The following BNIP3L variants were observed in gnomAD, a reference collection of about 807,000 sequenced individuals.
BNIP3L encodes BCL2/adenovirus E1B 19 kDa protein-interacting protein 3-like.
In BNIP3L, 10 loss-of-function variants were observed where a neutral mutation model predicts 25.5. The ratio of observed to expected loss-of-function variants is 0.39; its 90% confidence interval spans 0.24 to 0.67. The LOEUF is 0.67. Ranked by LOEUF, BNIP3L falls within the 30% of genes least tolerant of loss-of-function variation. The pLI is 0.45. For synonymous variants in BNIP3L, 113 were observed against 101.2 expected (o/e 1.12, Z -0.70); for missense variants, 215 against 270.9 (o/e 0.79, Z 1.45).
At chr8:26,384,507 T>G (rs1349748808) in intron 1 of BNIP3L, among the ~76,000 whole-genome samples, 1 of 152,240 alleles carries the variant, frequency 6.6e-6, no homozygotes, top group Non-Finnish European at 1.5e-5. Flanking sequence ...TAAACGTTAC[T>G]TGTATCACAT....
chr8:26,384,887 A>G (rs1805955968), intron 1 of BNIP3L, among the ~76,000 whole-genome samples: 1 of 151,896 alleles, frequency 6.6e-6, no homozygotes, highest in Non-Finnish European at 1.5e-5. Context: ...AGTAGAGACG[A>G]AGTTTCGCCA....
chr8:26,405,083 T>C (rs181838352), intron 3 of BNIP3L, among the ~76,000 whole-genome samples: 1 of 152,320 alleles, frequency 6.6e-6, no homozygotes, highest in East Asian at 1.9e-4. Context: ...AAAACACTTG[T>C]CCAGAGATAA....
At chr8:26,387,266 T>C (rs532336312) in intron 1 of BNIP3L, among the ~76,000 whole-genome samples, 49 of 152,344 alleles carry the variant, frequency 3.2e-4, no homozygotes, top group African/African-American at 1.2e-3. Context: ...CAGAAGTTTC[T>C]CTGAATCTCT....
chr8:26,391,220 A>G (rs1233799951), intron 1 of BNIP3L, 23 bp from the exon 2 acceptor site: 5 of 1,554,410 alleles, frequency 3.2e-6, no homozygotes, highest in Non-Finnish European at 4.4e-6. Context: ...TGCTGTGGTT[A>G]ACTTATCTGA....
intron 3 of BNIP3L, 171 bp downstream of exon 3, chr8:26,395,473 C>T (rs781511741): frequency 1.8e-5 from 12 of 660,244 alleles, no homozygotes; most frequent in Middle Eastern, 4.0e-4. Context: ...CACTCCTTTA[C>T]AACTAAGGAT....
Position 26,383,142 on chromosome 8 carries a change from C to G in BNIP3L, c.12C>G (p.His4Gln). 6.2e-7 allele frequency: 1 copy of G among 1,611,428 alleles called. No individual in the cohort carries two copies. The highest frequency in any genetic ancestry group is 8.5e-7 in the Non-Finnish European group (1 of 1,179,452). MSS[H>Q]LVEPPPPLHN... ...CCAGCTGTCCGACAATGTCGTCCCACCTAGTCGAGCCGCCGCCGCCCCTGC... is the reference window on the plus strand; with the variant it reads ...CCAGCTGTCCGACAATGTCGTCCCAGCTAGTCGAGCCGCCGCCGCCCCTGC... The change falls in exon 1 of 6, where the codon CAC (histidine) becomes CAG (glutamine). Residue 4 changes from histidine to glutamine, a missense_variant. By Grantham distance (24) the His-to-Gln change is conservative. Around this residue, in one of 4 missense-constraint regions of BNIP3L, gnomAD observed 69 missense variants for 53.6 expected, o/e 1.29. Transcript: ENST00000380629.
intron 2 of BNIP3L, among the ~76,000 whole-genome samples, chr8:26,392,057 G>T (rs1413960848): frequency 2.0e-5 from 3 of 152,040 alleles, no homozygotes; most frequent in Non-Finnish European, 4.4e-5. Flanking sequence ...CTATATTTGA[G>T]CTGAAGAAAC....
rs1256016125 is a variant in BNIP3L, at chr8:26,399,655, T to A, written c.357+4353T>A. Among the ~76,000 whole-genome samples the A allele has an allele frequency of 6.6e-5, 4 of 60,496 alleles. 1 individual carries two copies. Among genetic ancestry groups the A allele is most frequent in the South Asian group, 6.9e-4 (1 of 1,450 alleles). The allele number at this position is 60,496 out of a possible 152,430, so 39.7% of individuals were successfully genotyped here. ...CCCTGTTTGCAGATGACATGATTGT[T>A]TATCTAGAAAACCCCATTTTCTCAG... On this transcript the variant is annotated intron_variant, in intron 3 of 5. Transcript: ENST00000380629.
At chr8:26,383,415 C>G (rs1585427608) in intron 1 of BNIP3L, 185 bp downstream of exon 1, 2 of 1,427,656 alleles carry the variant, frequency 1.4e-6, no homozygotes, top group Non-Finnish European at 1.8e-6. Flanking sequence ...CTCCGGGCCT[C>G]TCTGTTGCCT....
intron 1 of BNIP3L, among the ~76,000 whole-genome samples, chr8:26,384,271 G>A (rs1242387789): frequency 6.6e-6 from 1 of 152,218 alleles, no homozygotes; most frequent in East Asian, 1.9e-4. Flanking sequence ...AGGTCATGCA[G>A]TATCTTTCGT....
At chr8:26,390,333 GAATTACC>G in intron 1 of BNIP3L, 1 of 981,870 alleles carries the variant, frequency 1.0e-6, no homozygotes. Context: ...GATGTATGCA[GAATTACC>G]AGTGGCACAT....
chr8:26,409,931 C>A, intron 5 of BNIP3L, among the ~76,000 whole-genome samples: 1 of 97,142 alleles, frequency 1.0e-5, no homozygotes, highest in Middle Eastern at 4.0e-3. Flanking sequence ...GCACTGGCAG[C>A]TTTTAAGGTT....
intron 5 of BNIP3L, 31 bp downstream of exon 5, chr8:26,408,407 C>T (rs756229023): frequency 6.3e-7 from 1 of 1,579,472 alleles, no homozygotes; most frequent in Non-Finnish European, 8.6e-7. Flanking sequence ...GAAGTTTTTT[C>T]CATTCATTTT....
At chr8:26,402,911 C>G (rs1806420696) in intron 3 of BNIP3L, among the ~76,000 whole-genome samples, 1 of 152,194 alleles carries the variant, frequency 6.6e-6, no homozygotes, top group African/African-American at 2.4e-5. Flanking sequence ...GCTTTCCTGG[C>G]TCATGGAGTT....
At chr8:26,394,619 A>G (rs1806190626) in intron 2 of BNIP3L, among the ~76,000 whole-genome samples, 1 of 152,342 alleles carries the variant, frequency 6.6e-6, no homozygotes, top group Middle Eastern at 3.4e-3. Flanking sequence ...ACAAATCTCT[A>G]ATACCAAGCT....
Position 26,396,629 on chromosome 8 carries a change from A to G in BNIP3L, c.357+1327A>G, listed in dbSNP as rs566368475. 3.5e-4 allele frequency among the ~76,000 whole-genome samples: 53 copies of G among 151,214 alleles called. 3 individuals carry two copies. Among genetic ancestry groups the G allele is most frequent in the African/African-American group, 1.3e-3 (53 of 40,918 alleles). On this transcript the variant is annotated intron_variant, in intron 3 of 5. Coordinates refer to ENST00000380629, the MANE Select transcript of BNIP3L (RefSeq NM_004331.3). ...ACGGAACAAAGCTGGATGGAGAATG[A>G]TTTTGACGAGCTGAGAGAAGAAGGC...
chr8:26,395,105 A>G (rs1277864757), intron 2 of BNIP3L, 125 bp from the exon 3 acceptor site: 3 of 868,274 alleles, frequency 3.5e-6, no homozygotes, highest in Non-Finnish European at 5.2e-6. Flanking sequence ...GGGTTATGAT[A>G]TATTCTCTGA....
chr8:26,408,409 A>C lies in BNIP3L; in HGVS notation c.611+33A>C, dbSNP rs149504745. 34 of 1,577,640 alleles carry C rather than the reference A, an allele frequency of 2.2e-5. 1 individual carries two copies. In the African/African-American group the frequency reaches 4.6e-4, roughly 22 times the overall value. ...CCGGTCAACTCCTGAAGTTTTTTCC[A>C]TTCATTTTATCCTCTTATTTTCAGA... On this transcript the variant is annotated intron_variant, in intron 5 of 5. Coordinates refer to ENST00000380629, the MANE Select transcript of BNIP3L (RefSeq NM_004331.3).
In BNIP3L at chr8:26,411,378, A is replaced by T. The variant is rs919161312; in HGVS notation, c.*966A>T. 6.6e-6 allele frequency: 1 copy of T among 152,296 alleles called. No individual in the cohort carries two copies. The highest frequency in any genetic ancestry group is 2.4e-5 in the African/African-American group (1 of 41,442). The allele number at this position is 152,296 out of a possible 1,614,324, so 9.4% of individuals were successfully genotyped here. A position where few individuals can be genotyped will look rare whatever the true frequency, so the allele number is the denominator to read the frequency against. ...TTAATACAGGCTTCTTGTTTTAGGA[A>T]GCATCACCTATACTCTGAAGCCTTT... On this transcript the variant is annotated 3_prime_UTR_variant, in exon 6 of 6. Transcript: ENST00000380629.
Sources: gnomAD v4.1 joint callset for allele counts (sites outside exome capture counted in the v4.1 genomes callset) on GRCh38, gnomAD v4.1.1 for gene constraint, gnomAD v4.1.1 regional missense constraint, MANE v1.5 for transcripts, NCBI Gene and HGNC (gene_info 2026-07-23, HGNC 2026-07-21) for gene names.